The following DPF3 variants were observed in gnomAD, a reference collection of about 807,000 sequenced individuals.
DPF3 encodes double PHD fingers 3.
Under a neutral mutation model 56.8 loss-of-function variants are expected in DPF3, and 18 were observed. The observed-to-expected ratio is 0.32, with a 90% CI of 0.22 to 0.47. DPF3 has a LOEUF of 0.47. Among genes scored for constraint, DPF3 ranks in the 20% least tolerant of loss-of-function variants. DPF3 has a pLI of 1.00. For missense variants in DPF3, 403 were observed against 488.8 expected (o/e 0.82, Z 1.65); for synonymous variants, 188 against 180.2 (o/e 1.04, Z -0.35).
At chr14:72,710,751 A>C (rs1479922534) in intron 6 of DPF3, among the ~76,000 whole-genome samples, 4 of 152,246 alleles carry the variant, frequency 2.6e-5, no homozygotes, top group Non-Finnish European at 5.9e-5. Context: ...TTTTTTGTGC[A>C]TAAGAAACAC....
chr14:72,622,792 C>T (rs567804142), intron 9 of DPF3, among the ~76,000 whole-genome samples: 2 of 152,200 alleles, frequency 1.3e-5, no homozygotes, highest in African/African-American at 2.4e-5. Flanking sequence ...ATCCCATTCT[C>T]GGATATCCAG....
chr14:72,640,046 T>TAAAAAAAAAAAAA lies in DPF3; in HGVS notation c.872-10323_872-10311dup, dbSNP rs370070354. On this transcript the variant is annotated intron_variant, in intron 8 of 10. Transcript: ENST00000556509. Reference sequence around the variant, plus strand: ...AAAGGATAAATAGGAGTTTTCTAAGTAAAAAAAAAAAAAAAAAAAAAAAAA... The same window carrying TAAAAAAAAAAAAA: ...AAAGGATAAATAGGAGTTTTCTAAGTAAAAAAAAAAAAAAAAAAAAAAAAAAAAAAAAAAAAAA... 2.4e-4 allele frequency among the ~76,000 whole-genome samples: 11 copies of TAAAAAAAAAAAAA among 45,260 alleles called. 1 individual carries two copies. The highest frequency in any genetic ancestry group is 1.8e-3 in the Admixed American group (5 of 2,808). 29.7% of individuals were successfully genotyped at this position (45,260 alleles called of 152,430 possible).
At chr14:72,749,482 C>T (rs1310504392) in intron 3 of DPF3, among the ~76,000 whole-genome samples, 5 of 152,122 alleles carry the variant, frequency 3.3e-5, no homozygotes, top group African/African-American at 7.2e-5. Context: ...AATGCTGAAA[C>T]GAGTTGAGAC....
intron 9 of DPF3, among the ~76,000 whole-genome samples, chr14:72,621,271 A>T (rs900701701): frequency 7.9e-5 from 12 of 152,068 alleles, no homozygotes; most frequent in Non-Finnish European, 1.5e-4. Context: ...TGTTTTCCTC[A>T]TCACTGCATC....
intron 1 of DPF3, among the ~76,000 whole-genome samples, chr14:72,774,747 T>A (rs1248889356): frequency 1.3e-5 from 2 of 152,118 alleles, no homozygotes; most frequent in South Asian, 4.1e-4. Context: ...AACCAAACTG[T>A]AATCAAATTG....
chr14:72,680,840 C>T (rs545448757), intron 7 of DPF3, among the ~76,000 whole-genome samples: 3 of 152,346 alleles, frequency 2.0e-5, no homozygotes, highest in African/African-American at 7.2e-5. Context: ...GTTTTGACTG[C>T]GTTGCCGATC....
At position 72,827,947 on chromosome 14, in the gene DPF3, G is replaced by A. The variant is rs189905069; in HGVS notation, c.33-56054C>T. The stretch of plus-strand genomic sequence containing the variant: ...AGCCTGGGCAACAGAGCAAGACCCT[G>A]ACTCTTAAAAAAAAATACAATGTGT... On this transcript the variant is annotated intron_variant, in intron 1 of 10. Transcript: ENST00000556509. Among the ~76,000 whole-genome samples the A allele has an allele frequency of 2.5e-3, 385 of 151,698 alleles. 3 individuals carry two copies. The highest frequency in any genetic ancestry group is 8.8e-3 in the African/African-American group (361 of 41,242).
At chr14:72,717,221 A>G (rs1389855283) in intron 5 of DPF3, among the ~76,000 whole-genome samples, 1 of 152,198 alleles carries the variant, frequency 6.6e-6, no homozygotes, top group Admixed American at 6.5e-5. Flanking sequence ...TTGCCACACT[A>G]AGGAGTGAAA....
intron 1 of DPF3, among the ~76,000 whole-genome samples, chr14:72,779,180 G>C (rs1259977420): frequency 6.6e-6 from 1 of 152,234 alleles, no homozygotes; most frequent in Middle Eastern, 3.2e-3. Context: ...AATTACAGCA[G>C]GAAGGCTAAT....
Position 72,688,873 on chromosome 14 carries a change from T to A in DPF3, c.742+4203A>T, listed in dbSNP as rs569959920. Among the ~76,000 whole-genome samples the A allele has an allele frequency of 8.1e-4, 124 of 152,288 alleles. 1 individual carries two copies. The South Asian group carries it at 0.025, about 31-fold the overall frequency. ...AGAGGACCCCATCAGAAAAGCACTATTTCCCAGAGGGGAGTGTTTGAGCTC... is the reference window on the plus strand; with the variant it reads ...AGAGGACCCCATCAGAAAAGCACTAATTCCCAGAGGGGAGTGTTTGAGCTC... On this transcript the variant is annotated intron_variant, in intron 7 of 10. Transcript: ENST00000556509.
chr14:72,782,661 C>T (rs967344855), intron 1 of DPF3, among the ~76,000 whole-genome samples: 2 of 152,116 alleles, frequency 1.3e-5, no homozygotes, highest in South Asian at 2.1e-4. Context: ...AGTGAAATCC[C>T]GTCTCTACTA....
chr14:72,705,144 T>C (rs1009370404), intron 6 of DPF3, among the ~76,000 whole-genome samples: 2 of 152,182 alleles, frequency 1.3e-5, no homozygotes, highest in African/African-American at 4.8e-5. Flanking sequence ...ACTTCATCTG[T>C]ATTTACAGCT....
intron 1 of DPF3, among the ~76,000 whole-genome samples, chr14:72,784,182 C>G (rs1171753618): frequency 6.6e-6 from 1 of 152,120 alleles, no homozygotes; most frequent in Non-Finnish European, 1.5e-5. Context: ...TCTCTCTTGG[C>G]AGCCTCCTAG....
At chr14:72,721,051 A>T (rs564254214) in intron 5 of DPF3, among the ~76,000 whole-genome samples, 48 of 152,294 alleles carry the variant, frequency 3.2e-4, no homozygotes, top group African/African-American at 1.1e-3. Flanking sequence ...TATTTACAGC[A>T]CATTTCCATT....
intron 9 of DPF3, among the ~76,000 whole-genome samples, chr14:72,621,781 A>G (rs1052276777): frequency 2.6e-5 from 4 of 152,220 alleles, no homozygotes; most frequent in Non-Finnish European, 4.4e-5. Context: ...CCATTTAAGC[A>G]TCATTGATTA....
chr14:72,629,873 C>T lies in DPF3; in HGVS notation c.872-137G>A, dbSNP rs1244444673. On this transcript the variant is annotated intron_variant, in intron 8 of 10. Coordinates refer to ENST00000556509, the MANE Select transcript of DPF3 (RefSeq NM_001280542.3). ...TGACGTAGGGAAAAAAATGGGGACC[C>T]AAACAGGGCCCTACCCACATTCTTC... 5.8e-6 allele frequency: 4 copies of T among 689,656 alleles called. No individual in the cohort carries two copies. The Admixed American group carries it at 6.6e-5, about 11-fold the overall frequency. The allele number at this position is 689,656 out of a possible 1,614,324, so 42.7% of individuals were successfully genotyped here. A position where few individuals can be genotyped will look rare whatever the true frequency, so the allele number is the denominator to read the frequency against.
At chr14:72,876,640 G>T (rs887746218) in intron 1 of DPF3, among the ~76,000 whole-genome samples, 10 of 152,216 alleles carry the variant, frequency 6.6e-5, no homozygotes, top group African/African-American at 2.4e-4. Flanking sequence ...GTCCCCAAAG[G>T]AATCGCTCAA....
intron 5 of DPF3, among the ~76,000 whole-genome samples, chr14:72,717,622 A>G (rs11158973): frequency 0.33 from 50,950 of 152,118 alleles, 9,074 homozygotes; most frequent in Middle Eastern, 0.44. Flanking sequence ...CCTAACACTT[A>G]GCACATAGCG....
At chr14:72,868,401 C>A (rs1376622688) in intron 1 of DPF3, among the ~76,000 whole-genome samples, 1 of 152,208 alleles carries the variant, frequency 6.6e-6, no homozygotes, top group Non-Finnish European at 1.5e-5. Flanking sequence ...CTCCCACACA[C>A]ATTTAAAGCA....
Sources: gnomAD v4.1 joint callset for allele counts (sites outside exome capture counted in the v4.1 genomes callset) on GRCh38, gnomAD v4.1.1 for gene constraint, MANE v1.5 for transcripts, NCBI Gene and HGNC (gene_info 2026-07-23, HGNC 2026-07-21) for gene names.